Variants in XRCC4 observed in about 807,000 individuals in gnomAD.
XRCC4 encodes DNA repair protein XRCC4.
XRCC4 carries 28 observed loss-of-function variants against 39.1 expected under a neutral mutation model. That is an observed-to-expected ratio of 0.72 (90% CI 0.53 to 0.98). XRCC4 has a LOEUF of 0.98. XRCC4 is among the 50% of genes least tolerant of loss of function. The probability of loss-of-function intolerance (pLI) is 0.00; values close to 1 mark genes in which losing one functional copy is unlikely to be tolerated. For missense variants in XRCC4, 350 were observed against 376.4 expected (o/e 0.93, Z 0.58); for synonymous variants, 123 against 126.4 (o/e 0.97, Z 0.18).
intron 7 of XRCC4, among the ~76,000 whole-genome samples, chr5:83,345,976 G>T (rs1337718073): frequency 6.6e-6 from 1 of 152,080 alleles, no homozygotes; most frequent in East Asian, 1.9e-4. Context: ...CTGTGTGTGT[G>T]TGTTTTAACA....
chr5:83,291,928 CTA>C (rs1384765552), intron 7 of XRCC4, among the ~76,000 whole-genome samples: 1 of 143,726 alleles, frequency 7.0e-6, no homozygotes, highest in African/African-American at 2.6e-5. Context: ...TATATAAATA[CTA>C]TATATGTTAT....
At chr5:83,133,230 G>C (rs1426230561) in intron 3 of XRCC4, among the ~76,000 whole-genome samples, 3 of 152,154 alleles carry the variant, frequency 2.0e-5, no homozygotes, top group African/African-American at 4.8e-5. Context: ...AAATGCTGCT[G>C]CCTGATGCTT....
At chr5:83,348,524 A>G (rs554050848) in intron 7 of XRCC4, among the ~76,000 whole-genome samples, 2 of 152,352 alleles carry the variant, frequency 1.3e-5, no homozygotes, top group South Asian at 4.1e-4. Context: ...AGCAGCCACA[A>G]TGCAGGGTGC....
chr5:83,264,243 C>T (rs1271802556), intron 7 of XRCC4, among the ~76,000 whole-genome samples: 1 of 152,074 alleles, frequency 6.6e-6, no homozygotes, highest in Non-Finnish European at 1.5e-5. Flanking sequence ...AGCTTCCAAA[C>T]CAAAGTGACT....
intron 3 of XRCC4, among the ~76,000 whole-genome samples, chr5:83,159,885 A>C (rs1749125621): frequency 6.6e-6 from 1 of 152,174 alleles, no homozygotes; most frequent in Non-Finnish European, 1.5e-5. Flanking sequence ...TTACCACTGT[A>C]AAATTTGTCC....
intron 3 of XRCC4, among the ~76,000 whole-genome samples, chr5:83,165,081 A>C (rs1396487301): frequency 2.0e-5 from 3 of 152,054 alleles, no homozygotes; most frequent in Non-Finnish European, 2.9e-5. Flanking sequence ...TAGCATCCTA[A>C]AATTTTACAG....
chr5:83,146,532 G>C (rs778451374), intron 3 of XRCC4, among the ~76,000 whole-genome samples: 45 of 152,142 alleles, frequency 3.0e-4, no homozygotes, highest in Non-Finnish European at 5.3e-4. Flanking sequence ...TAAAATTGAT[G>C]ATAAAAATCT....
chr5:83,258,236 A>G (rs992904663), intron 6 of XRCC4, among the ~76,000 whole-genome samples: 1 of 152,110 alleles, frequency 6.6e-6, no homozygotes, highest in Non-Finnish European at 1.5e-5. Context: ...TTCTAGTTAC[A>G]ATCCTAATAA....
intron 7 of XRCC4, among the ~76,000 whole-genome samples, chr5:83,277,092 A>G (rs1028287954): frequency 1.3e-5 from 2 of 152,226 alleles, no homozygotes; most frequent in Non-Finnish European, 1.5e-5. Flanking sequence ...GTGAATCAAA[A>G]GAATTTGTTG....
intron 6 of XRCC4, 37 bp downstream of exon 6, chr5:83,204,958 TC>T: frequency 7.1e-7 from 1 of 1,402,250 alleles, no homozygotes; most frequent in Non-Finnish European, 1.0e-6. Context: ...CTGTTGAATA[TC>T]TTATTTGGGC....
intron 3 of XRCC4, among the ~76,000 whole-genome samples, chr5:83,162,237 G>A (rs969406261): frequency 3.9e-5 from 6 of 152,104 alleles, no homozygotes; most frequent in African/African-American, 1.4e-4. Flanking sequence ...AGTAGCTATT[G>A]AAGTCAAGTG....
chr5:83,269,448 G>A (rs1198177959), intron 7 of XRCC4, among the ~76,000 whole-genome samples: 1 of 150,432 alleles, frequency 6.6e-6, no homozygotes, highest in Non-Finnish European at 1.5e-5. Context: ...CATCTAGAAT[G>A]CCCAATTAAA....
chr5:83,272,140 C>T (rs905933266), intron 7 of XRCC4, among the ~76,000 whole-genome samples: 12 of 152,140 alleles, frequency 7.9e-5, no homozygotes, highest in Admixed American at 2.6e-4. Context: ...CTATTTAACT[C>T]GAAGACCATT....
intron 1 of XRCC4, among the ~76,000 whole-genome samples, chr5:83,103,568 A>G (rs961470180): frequency 2.6e-5 from 4 of 152,192 alleles, no homozygotes; most frequent in African/African-American, 9.6e-5. Context: ...ACTCTTAGGT[A>G]TATACTCAAC....
intron 3 of XRCC4, among the ~76,000 whole-genome samples, chr5:83,138,498 G>A (rs10043018): frequency 0.49 from 73,486 of 151,448 alleles, 18,760 homozygotes; most frequent in African/African-American, 0.63. Context: ...TTTCTGGTAG[G>A]GTAACATAAC....
intron 7 of XRCC4, among the ~76,000 whole-genome samples, chr5:83,339,266 T>C (rs1340206996): frequency 6.6e-6 from 1 of 152,200 alleles, no homozygotes; most frequent in Non-Finnish European, 1.5e-5. Flanking sequence ...TTTTAATATC[T>C]TTAAGAAAGA....
rs1378468646 is a variant in XRCC4, at chr5:83,253,228, T to C, written c.746-5302T>C. Among the ~76,000 whole-genome samples the C allele has an allele frequency of 3.3e-5, 5 of 152,120 alleles. No individual in the cohort carries two copies. In the South Asian group the frequency reaches 8.3e-4, roughly 25 times the overall value. On this transcript the variant is annotated intron_variant, in intron 6 of 7. Coordinates refer to ENST00000396027, the MANE Select transcript of XRCC4 (RefSeq NM_003401.5). ...ATAGCTTACATATATGGTAGAAGAT[T>C]TGTGGGAGATGTGGTTACAAAGGCA...
intron 6 of XRCC4, among the ~76,000 whole-genome samples, chr5:83,240,997 AGGCC>A (rs1450546877): frequency 6.6e-6 from 1 of 152,158 alleles, no homozygotes; most frequent in Non-Finnish European, 1.5e-5. Flanking sequence ...GCACTTTGTG[AGGCC>A]GAGACGGGCG....
chr5:83,144,416 C>A (rs1462998595), intron 3 of XRCC4, among the ~76,000 whole-genome samples: 1 of 151,992 alleles, frequency 6.6e-6, no homozygotes, highest in Non-Finnish European at 1.5e-5. Context: ...TTACAAACTT[C>A]ACCTAATGAC....
Sources: allele counts gnomAD v4.1 joint callset (sites outside exome capture counted in the v4.1 genomes callset), GRCh38; gene constraint gnomAD v4.1.1; transcripts MANE v1.5; gene names NCBI Gene and HGNC (gene_info 2026-07-23, HGNC 2026-07-21).